Variants in SPATA22 observed in about 807,000 individuals in gnomAD.
The protein encoded by SPATA22 is spermatogenesis-associated protein 22.
SPATA22 carries 29 observed loss-of-function variants against 47.8 expected under a neutral mutation model. The ratio of observed to expected loss-of-function variants is 0.61; its 90% CI spans 0.45 to 0.83. The LOEUF (loss-of-function observed/expected upper bound fraction) is 0.83, where lower values mean the gene tolerates loss of function less well. Ranked by LOEUF, SPATA22 falls within the 40% of genes least tolerant of loss-of-function variation. The pLI is 0.00. For synonymous variants in SPATA22, 133 were observed against 140.9 expected (o/e 0.94, Z 0.40); for missense variants, 410 against 421.7 (o/e 0.97, Z 0.24).
intron 2 of SPATA22, 38 bp downstream of exon 2, chr17:3,469,245 C>T: frequency 2.2e-6 from 2 of 920,386 alleles, no homozygotes; most frequent in Non-Finnish European, 3.4e-6. Context: ...GCTTTATATG[C>T]TATACAGAAA....
chr17:3,462,880 G>A, intron 3 of SPATA22, 113 bp from the exon 4 acceptor site: 1 of 791,056 alleles, frequency 1.3e-6, no homozygotes, highest in South Asian at 1.6e-5. Context: ...GAAAAAACTT[G>A]AATATATGGA....
At chr17:3,464,608 T>G in intron 3 of SPATA22, among the ~76,000 whole-genome samples, 1 of 138,334 alleles carries the variant, frequency 7.2e-6, no homozygotes, top group South Asian at 2.4e-4. Flanking sequence ...TCGTCTGAGA[T>G]GTGGGGAGCA....
At chr17:3,459,780 A>T (rs2073085017) in intron 5 of SPATA22, among the ~76,000 whole-genome samples, 1 of 152,224 alleles carries the variant, frequency 6.6e-6, no homozygotes. Flanking sequence ...AACAAAGATG[A>T]GACTGTCAAG....
At chr17:3,483,948 G>C (rs1231153201) in intron 1 of SPATA22, among the ~76,000 whole-genome samples, 1 of 152,142 alleles carries the variant, frequency 6.6e-6, no homozygotes, top group Non-Finnish European at 1.5e-5. Context: ...ATGAGTCACT[G>C]CCTGGCCGAG....
intron 5 of SPATA22, among the ~76,000 whole-genome samples, 189 bp from the exon 6 acceptor site, chr17:3,449,338 G>T (rs1162540952): frequency 6.6e-6 from 1 of 152,112 alleles, no homozygotes; most frequent in Non-Finnish European, 1.5e-5. Flanking sequence ...CAGATGAGAA[G>T]ACTGATCCCT....
rs1405747926 is a variant in SPATA22, at chr17:3,464,578, C to T, written c.173-1811G>A. On this transcript the variant is annotated intron_variant, in intron 3 of 8. Coordinates refer to ENST00000572969, the MANE Select transcript of SPATA22 (RefSeq NM_001170698.2). ...GCCATCCCATCTAGGAAGTGAGGAGCGTCTCTGCCGGGCCGCCCATCGTCT... is the reference window on the plus strand; with the variant it reads ...GCCATCCCATCTAGGAAGTGAGGAGTGTCTCTGCCGGGCCGCCCATCGTCT... Among the ~76,000 whole-genome samples, 250 of 141,802 alleles carry T rather than the reference C, an allele frequency of 1.8e-3. 2 individuals carry two copies. Among genetic ancestry groups the T allele is most frequent in the African/African-American group, 5.7e-3 (226 of 39,336 alleles). The allele number at this position is 141,802 out of a possible 152,430, so 93.0% of individuals were successfully genotyped here.
intron 5 of SPATA22, among the ~76,000 whole-genome samples, chr17:3,461,391 T>G (rs73977731): frequency 0.014 from 2,099 of 152,326 alleles, 47 homozygotes; most frequent in African/African-American, 0.046. Context: ...TCCAACAGTC[T>G]GACAGCTCAT....
exon 1 of SPATA22, chr17:3,513,642 G>C (rs973656371): frequency 2.8e-6 from 1 of 351,278 alleles, no homozygotes; most frequent in Admixed American, 4.3e-5. Flanking sequence ...GCTTCACCCG[G>C]GACTTCAGGA....
At chr17:3,467,292 C>T (rs2073336422) in intron 3 of SPATA22, 134 bp downstream of exon 3, 8 of 688,354 alleles carry the variant, frequency 1.2e-5, no homozygotes, top group African/African-American at 1.8e-5. Flanking sequence ...TCAGAAAGTG[C>T]TATGTAATTT....
upstream of SPATA22, chr17:3,472,031 G>C (rs1025674107): frequency 4.4e-6 from 1 of 229,788 alleles, no homozygotes; most frequent in African/African-American, 2.3e-5. Context: ...TGGAGAGACA[G>C]AGGCAGATCT....
intron 1 of SPATA22, among the ~76,000 whole-genome samples, chr17:3,471,043 T>C (rs1482192425): frequency 6.6e-6 from 1 of 151,670 alleles, no homozygotes; most frequent in African/African-American, 2.4e-5. Context: ...TAATCCCAGC[T>C]ACCCTGGAGG....
chr17:3,501,965 A>ACC (rs1567621791), intron 1 of SPATA22: 10 of 151,280 alleles, frequency 6.6e-5, no homozygotes, highest in Admixed American at 5.9e-4. Context: ...AAAAAAAAAA[A>ACC]AAAAAAAAAT....
chr17:3,481,586 C>A lies in SPATA22; in HGVS notation c.-73-12188G>T, dbSNP rs755062662. ...AGGCACAGATGTTGTTCATCTTTTT[C>A]TTTCTGCTTATAACAGCAAAAAAAT... On this transcript the variant is annotated intron_variant, in intron 1 of 8. Coordinates refer to the SPATA22 transcript ENST00000541913. 3.1e-6 allele frequency: 5 copies of A among 1,607,976 alleles called. No individual in the cohort carries two copies. The highest frequency in any genetic ancestry group is 1.1e-5 in the South Asian group (1 of 90,486).
chr17:3,449,378 C>T (rs987899007), intron 5 of SPATA22, among the ~76,000 whole-genome samples: 4 of 152,138 alleles, frequency 2.6e-5, no homozygotes, highest in East Asian at 1.9e-4. Flanking sequence ...CAAAGTCATA[C>T]AGGAAATTAC....
intron 5 of SPATA22, among the ~76,000 whole-genome samples, chr17:3,453,440 C>G (rs1415099484): frequency 6.6e-6 from 1 of 152,034 alleles, no homozygotes; most frequent in Non-Finnish European, 1.5e-5. Flanking sequence ...AAGCATCTGA[C>G]AAAGTTCAAC....
At chr17:3,475,214 C>T (rs746082812), upstream of SPATA22, among the ~76,000 whole-genome samples, 1 of 152,150 alleles carries the variant, frequency 6.6e-6, no homozygotes, top group Non-Finnish European at 1.5e-5. Context: ...GGGATGTAAT[C>T]ATCTTAGTAT....
At chr17:3,464,556 A>T (rs1265698081) in intron 3 of SPATA22, among the ~76,000 whole-genome samples, 2 of 126,388 alleles carry the variant, frequency 1.6e-5, no homozygotes, top group East Asian at 2.2e-4. Context: ...CCCGGCCGCC[A>T]TCCCATCTAG....
At chr17:3,447,915 ATAGGACAG>A (rs1214723297) in intron 6 of SPATA22, among the ~76,000 whole-genome samples, 1 of 152,200 alleles carries the variant, frequency 6.6e-6, no homozygotes, top group Non-Finnish European at 1.5e-5. Context: ...GATGCACTAC[ATAGGACAG>A]TTCAGCCTTC....
At chr17:3,462,113 T>G (rs1237722973) in intron 5 of SPATA22, among the ~76,000 whole-genome samples, 2 of 152,186 alleles carry the variant, frequency 1.3e-5, no homozygotes, top group African/African-American at 2.4e-5. Flanking sequence ...AGCACTCTAA[T>G]TGGTTCTCAA....
Sources: gnomAD v4.1 joint callset for allele counts (sites outside exome capture counted in the v4.1 genomes callset) on GRCh38, gnomAD v4.1.1 for gene constraint, MANE v1.5 for transcripts, NCBI Gene and HGNC (gene_info 2026-07-23, HGNC 2026-07-21) for gene names.